The following LRBA variants were observed in gnomAD, a reference collection of about 807,000 sequenced individuals.
LRBA encodes lipopolysaccharide-responsive and beige-like anchor protein.
LRBA carries 176 observed loss-of-function variants against 330.0 expected under a neutral mutation model. The ratio of observed to expected loss-of-function variants is 0.53; its 90% CI spans 0.47 to 0.60. The LOEUF (loss-of-function observed/expected upper bound fraction) is 0.60. Among genes scored for constraint, LRBA ranks in the 20% least tolerant of loss-of-function variants. LRBA has a pLI of 0.00. For missense variants in LRBA, 3,259 were observed against 3,444.8 expected (o/e 0.95, Z 1.35); for synonymous variants, 1,230 against 1,193.0 (o/e 1.03, Z -0.64).
intron 32 of LRBA, among the ~76,000 whole-genome samples, chr4:150,807,690 G>C (rs558750453): frequency 2.0e-5 from 3 of 152,062 alleles, no homozygotes; most frequent in Admixed American, 2.0e-4. Context: ...CTGTCTCCCA[G>C]GCTGGAGTGC....
intron 29 of LRBA, among the ~76,000 whole-genome samples, chr4:150,831,092 T>A (rs1747112872): frequency 1.3e-5 from 2 of 152,062 alleles, no homozygotes; most frequent in South Asian, 4.2e-4. Flanking sequence ...ACATAAATTG[T>A]AACTCCTGTA....
intron 31 of LRBA, among the ~76,000 whole-genome samples, chr4:150,809,875 GATACGATACGATACGATA>G (rs1283211851): frequency 8.0e-6 from 1 of 125,652 alleles, no homozygotes; most frequent in African/African-American, 3.0e-5. Context: ...GATACGATAC[GATACGATACGATACGATA>G]CGATACGATA....
rs1475786670 is a variant in LRBA at position 150,265,812 on chromosome 4, C to T, written c.8469G>A (p.Arg2823=). ...IRAMALSYDQ[R]CIISGMASGS... ...CTGAAGCCATGCCAGAAATGATGCA[C>T]CTAGGAGAAGCACAGAGAGAAGGAC... The change falls in exon 57 of 57, where the codon AGG becomes AGA. Residue 2823 remains arginine (R), a splice_region_variant and synonymous_variant. Coordinates refer to ENST00000651943, the MANE Select transcript of LRBA (RefSeq NM_001364905.1). 6.2e-7 allele frequency: 1 copy of T among 1,600,018 alleles called. No individual in the cohort carries two copies. Among genetic ancestry groups the T allele is most frequent in the Non-Finnish European group, 8.6e-7 (1 of 1,167,262 alleles).
At chr4:150,639,849 ATATATATATATATATATATATATT>A (rs1778479867) in intron 37 of LRBA, among the ~76,000 whole-genome samples, 1 of 69,378 alleles carries the variant, frequency 1.4e-5, no homozygotes, top group Non-Finnish European at 2.7e-5. Context: ...ATATATATAT[ATATATATATATATATATATATATT>A]TAGATGGAGT....
chr4:150,635,320 C>T (rs931567898), intron 37 of LRBA, among the ~76,000 whole-genome samples: 26 of 152,314 alleles, frequency 1.7e-4, no homozygotes, highest in African/African-American at 5.5e-4. Flanking sequence ...CATAAGACTG[C>T]GTTTTCAAAC....
chr4:150,539,985 A>T (rs1765140727), intron 40 of LRBA, among the ~76,000 whole-genome samples: 1 of 152,310 alleles, frequency 6.6e-6, no homozygotes, highest in South Asian at 2.1e-4. Context: ...TTAGTATTTT[A>T]TTTTTTAATT....
intron 47 of LRBA, among the ~76,000 whole-genome samples, chr4:150,380,982 CAAAAAAAAAAAAAAAA>C (rs58528401): frequency 3.3e-5 from 2 of 61,008 alleles, no homozygotes; most frequent in East Asian, 4.6e-4. Flanking sequence ...AACTCCATCT[CAAAAAAAAAAAAAAAA>C]AAAAAAAAAA....
At chr4:150,783,552 C>T (rs1738580132) in intron 34 of LRBA, among the ~76,000 whole-genome samples, 1 of 152,146 alleles carries the variant, frequency 6.6e-6, no homozygotes, top group African/African-American at 2.4e-5. Context: ...CAATTAAATG[C>T]CTAATTATAA....
intron 21 of LRBA, 31 bp downstream of exon 21, chr4:150,868,151 C>A: frequency 6.3e-7 from 1 of 1,580,474 alleles, no homozygotes; most frequent in Non-Finnish European, 8.6e-7. Context: ...CATTTGAATA[C>A]TGCAAATAAA....
At chr4:150,388,557 G>A (rs1581178263) in intron 47 of LRBA, among the ~76,000 whole-genome samples, 1 of 152,208 alleles carries the variant, frequency 6.6e-6, no homozygotes, top group East Asian at 1.9e-4. Flanking sequence ...AAGTCAGACA[G>A]ATTATTTGTT....
chr4:150,422,827 G>A, intron 46 of LRBA: 1 of 1,457,728 alleles, frequency 6.9e-7, no homozygotes, highest in South Asian at 1.1e-5. Context: ...AACTTGCCCT[G>A]CAGCCAGGCT....
chr4:150,665,814 C>T (rs1048789401), intron 37 of LRBA, among the ~76,000 whole-genome samples: 4 of 152,264 alleles, frequency 2.6e-5, no homozygotes, highest in South Asian at 2.1e-4. Flanking sequence ...TGGTTTTCTC[C>T]GGTAAACTGT....
intron 26 of LRBA, among the ~76,000 whole-genome samples, chr4:150,845,290 T>C (rs1749685726): frequency 6.6e-6 from 1 of 152,152 alleles, no homozygotes; most frequent in South Asian, 2.1e-4. Context: ...TGATATTAAT[T>C]GAGACTAATA....
At chr4:150,265,942 A>G in intron 56 of LRBA, 130 bp from the exon 57 acceptor site, 1 of 645,048 alleles carries the variant, frequency 1.6e-6, no homozygotes, top group Non-Finnish European at 2.8e-6. Flanking sequence ...TGTGGGAACT[A>G]AGGTATGTAT....
chr4:150,607,770 C>T (rs568549938), intron 37 of LRBA, among the ~76,000 whole-genome samples: 18 of 152,196 alleles, frequency 1.2e-4, no homozygotes, highest in East Asian at 1.9e-4. Context: ...GACACGGTGG[C>T]TCACACCTGT....
In LRBA at chr4:150,490,205, T is replaced by C. The variant is rs555336016; in HGVS notation, c.6448+713A>G. On this transcript the variant is annotated intron_variant, in intron 41 of 56. Transcript: ENST00000651943. ...TTTCATAAAGGAAAAACAAGATGTG[T>C]GTGTGGAATATAGGCAGTTATGTGT... Among the ~76,000 whole-genome samples, 4 of 151,922 alleles carry C rather than the reference T, an allele frequency of 2.6e-5. No individual in the cohort carries two copies. The South Asian group carries it at 8.3e-4, about 32-fold the overall frequency.
At chr4:150,637,622 T>G (rs756493423) in intron 37 of LRBA, among the ~76,000 whole-genome samples, 1 of 152,196 alleles carries the variant, frequency 6.6e-6, no homozygotes, top group Non-Finnish European at 1.5e-5. Context: ...TAAGCCACCA[T>G]ACTGGAGAAG....
intron 34 of LRBA, among the ~76,000 whole-genome samples, chr4:150,781,905 T>C (rs2126596471): frequency 6.6e-6 from 1 of 152,224 alleles, no homozygotes; most frequent in South Asian, 2.1e-4. Flanking sequence ...GAATACTTGT[T>C]TTTATTTTTT....
intron 37 of LRBA, among the ~76,000 whole-genome samples, chr4:150,681,211 T>C (rs1783029324): frequency 6.6e-6 from 1 of 152,236 alleles, no homozygotes; most frequent in South Asian, 2.1e-4. Context: ...ATGCCATTTA[T>C]GTTTTCTAGA....
Sources: allele counts gnomAD v4.1 joint callset (sites outside exome capture counted in the v4.1 genomes callset), GRCh38; gene constraint gnomAD v4.1.1; transcripts MANE v1.5; gene names NCBI Gene and HGNC (gene_info 2026-07-23, HGNC 2026-07-21).